Variants in TMOD3 observed in about 807,000 individuals in gnomAD.
TMOD3 encodes tropomodulin 3.
In TMOD3, 20 loss-of-function variants were observed where a neutral mutation model predicts 39.2. The observed-to-expected ratio is 0.51, with a 90% confidence interval of 0.36 to 0.74. The LOEUF (loss-of-function observed/expected upper bound fraction) is 0.74. Among genes scored for constraint, TMOD3 ranks in the 30% least tolerant of loss-of-function variants. The probability of loss-of-function intolerance (pLI) is 0.00; values close to 1 mark genes in which losing one functional copy is unlikely to be tolerated. For synonymous variants in TMOD3, 143 were observed against 145.8 expected, an observed-to-expected ratio of 0.98 and a Z score of 0.14; for missense variants, 381 against 412.8, an observed-to-expected ratio of 0.92 and a Z score of 0.67.
At chr15:51,861,122 A>T (rs537524608) in intron 1 of TMOD3, 4 of 525,528 alleles carry the variant, frequency 7.6e-6, no homozygotes, top group East Asian at 9.8e-5. Context: ...CATGTTGAAC[A>T]TAATTGATAA....
chr15:51,900,716 G>GA (rs1354269697), intron 8 of TMOD3, among the ~76,000 whole-genome samples: 1 of 152,032 alleles, frequency 6.6e-6, no homozygotes, highest in Non-Finnish European at 1.5e-5. Context: ...CCATTTATTT[G>GA]AAAAAATATT....
At chr15:51,886,285 A>G (rs906457822) in intron 3 of TMOD3, among the ~76,000 whole-genome samples, 2 of 152,218 alleles carry the variant, frequency 1.3e-5, no homozygotes, top group African/African-American at 2.4e-5. Flanking sequence ...CAGAGGCTGC[A>G]ATCTGGGCAC....
At chr15:51,885,442 C>T (rs1396984749) in intron 3 of TMOD3, among the ~76,000 whole-genome samples, 1 of 152,144 alleles carries the variant, frequency 6.6e-6, no homozygotes, top group Non-Finnish European at 1.5e-5. Flanking sequence ...CTGCGGCCTT[C>T]CGCAGTGTTT....
At chr15:51,889,741 C>T (rs912979917) in intron 5 of TMOD3, among the ~76,000 whole-genome samples, 1 of 152,072 alleles carries the variant, frequency 6.6e-6, no homozygotes, top group African/African-American at 2.4e-5. Flanking sequence ...TGGCACATGT[C>T]TCTAGTCTCA....
chr15:51,845,898 A>G (rs2056333175), intron 1 of TMOD3, among the ~76,000 whole-genome samples: 1 of 152,240 alleles, frequency 6.6e-6, no homozygotes, highest in African/African-American at 2.4e-5. Flanking sequence ...TCAAGGAGTC[A>G]GAAGGTACAG....
At chr15:51,899,145 A>T (rs891251362) in intron 7 of TMOD3, 9 of 152,206 alleles carry the variant, frequency 5.9e-5, no homozygotes, top group African/African-American at 2.2e-4. Context: ...CTTGGAAATT[A>T]GTACATAATT....
At chr15:51,852,755 G>A (rs138765839) in intron 1 of TMOD3, among the ~76,000 whole-genome samples, 1 of 152,340 alleles carries the variant, frequency 6.6e-6, no homozygotes, top group Non-Finnish European at 1.5e-5. Context: ...ATTTGTGTTA[G>A]CTATGTACTG....
intron 3 of TMOD3, among the ~76,000 whole-genome samples, chr15:51,871,389 C>A (rs979436551): frequency 2.0e-5 from 3 of 152,156 alleles, no homozygotes; most frequent in Non-Finnish European, 4.4e-5. Context: ...AGAAAAAATA[C>A]TGGTTGATCA....
At chr15:51,904,480 A>G (rs2056668084) in intron 9 of TMOD3, among the ~76,000 whole-genome samples, 1 of 152,208 alleles carries the variant, frequency 6.6e-6, no homozygotes, top group Non-Finnish European at 1.5e-5. Context: ...CTGAATAGCC[A>G]TAAACTAAGC....
chr15:51,866,444 C>G (rs1158739329), intron 2 of TMOD3, among the ~76,000 whole-genome samples: 1 of 151,238 alleles, frequency 6.6e-6, no homozygotes, highest in African/African-American at 2.4e-5. Flanking sequence ...AGCAGTAGAG[C>G]AAGACCCTGT....
At chr15:51,889,757 T>G (rs1390851191) in intron 5 of TMOD3, among the ~76,000 whole-genome samples, 2 of 152,122 alleles carry the variant, frequency 1.3e-5, no homozygotes, top group African/African-American at 4.8e-5. Flanking sequence ...TCTCAGCTAC[T>G]TGGGAGGCTG....
chr15:51,904,673 CTT>C (rs1257901953), intron 9 of TMOD3, among the ~76,000 whole-genome samples: 1 of 152,118 alleles, frequency 6.6e-6, no homozygotes, highest in Non-Finnish European at 1.5e-5. Context: ...AGCAGTTGTG[CTT>C]TTTTGTGAAG....
At chr15:51,865,588 C>G (rs2141686572) in intron 2 of TMOD3, among the ~76,000 whole-genome samples, 1 of 152,260 alleles carries the variant, frequency 6.6e-6, no homozygotes, top group Non-Finnish European at 1.5e-5. Context: ...TGCAAACTCC[C>G]CAACCCCAGT....
At chr15:51,855,596 T>C (rs2056383964) in intron 1 of TMOD3, among the ~76,000 whole-genome samples, 1 of 152,264 alleles carries the variant, frequency 6.6e-6, no homozygotes, top group African/African-American at 2.4e-5. Flanking sequence ...TCTTGTACAA[T>C]GCAAATTGTT....
intron 9 of TMOD3, among the ~76,000 whole-genome samples, chr15:51,902,897 C>T (rs985494850): frequency 8.5e-5 from 13 of 152,136 alleles, no homozygotes; most frequent in African/African-American, 2.9e-4. Flanking sequence ...ATGATCCACC[C>T]GCCTCGGCCT....
chr15:51,900,047 A>T, intron 7 of TMOD3, 108 bp from the exon 8 acceptor site: 1 of 1,074,142 alleles, frequency 9.3e-7, no homozygotes. Context: ...TGAAACAACT[A>T]ATGACAAACA....
intron 5 of TMOD3, among the ~76,000 whole-genome samples, chr15:51,890,069 T>A (rs1014397967): frequency 2.0e-5 from 3 of 152,164 alleles, no homozygotes. Flanking sequence ...TTTATACTAA[T>A]GTATACATAT....
At chr15:51,889,656 G>A (rs2056582433) in intron 5 of TMOD3, among the ~76,000 whole-genome samples, 1 of 152,112 alleles carries the variant, frequency 6.6e-6, no homozygotes, top group Non-Finnish European at 1.5e-5. Flanking sequence ...GATTGCTTGA[G>A]TCCAGGAGTT....
At chr15:51,839,661 C>T (rs2056303993) in intron 1 of TMOD3, among the ~76,000 whole-genome samples, 1 of 152,116 alleles carries the variant, frequency 6.6e-6, no homozygotes, top group Non-Finnish European at 1.5e-5. Context: ...ATCCTCCTGC[C>T]TCAGTCTCCC....
Sources: allele counts gnomAD v4.1 joint callset (sites outside exome capture counted in the v4.1 genomes callset), GRCh38; gene constraint gnomAD v4.1.1; transcripts MANE v1.5; gene names NCBI Gene and HGNC (gene_info 2026-07-23, HGNC 2026-07-21).